ADAMTS20: variants seen among roughly 807,000 people sequenced by gnomAD.
ADAMTS20 encodes the protein A disintegrin and metalloproteinase with thrombospondin motifs 20.
Under a neutral mutation model 260.1 loss-of-function variants are expected in ADAMTS20, and 225 were observed. The observed-to-expected ratio is 0.87, with a 90% CI of 0.78 to 0.97. The LOEUF (loss-of-function observed/expected upper bound fraction) is 0.97, where lower values mean the gene tolerates loss of function less well. Among genes scored for constraint, ADAMTS20 ranks in the 50% least tolerant of loss-of-function variants. ADAMTS20 has a pLI of 0.00. For synonymous variants in ADAMTS20, 802 were observed against 769.5 expected (o/e 1.04, Z -0.70); for missense variants, 2,400 against 2,337.7 (o/e 1.03, Z -0.55).
chr12:43,518,896 C>A (rs1174243451), intron 3 of ADAMTS20, among the ~76,000 whole-genome samples: 1 of 151,868 alleles, frequency 6.6e-6, no homozygotes, highest in Non-Finnish European at 1.5e-5. Context: ...GTCAGCTTGA[C>A]CATCAAAATA....
chr12:43,505,867 A>G (rs899425871), intron 3 of ADAMTS20, among the ~76,000 whole-genome samples: 2 of 152,258 alleles, frequency 1.3e-5, no homozygotes, highest in African/African-American at 4.8e-5. Context: ...AGTATTATTT[A>G]CAATAGCTAA....
intron 16 of ADAMTS20, among the ~76,000 whole-genome samples, chr12:43,440,465 T>C (rs923925144): frequency 6.6e-6 from 1 of 152,196 alleles, no homozygotes; most frequent in African/African-American, 2.4e-5. Context: ...ACTTTTAAAG[T>C]TCAAATCCTT....
rs554033609 is a variant in ADAMTS20 at position 43,433,045 on chromosome 12, A to T, written c.2721-234T>A. Among the ~76,000 whole-genome samples the T allele has an allele frequency of 1.3e-3, 203 of 152,210 alleles. 7 individuals are homozygous for T. In the South Asian group the frequency reaches 0.039, roughly 29 times the overall value. On this transcript the variant is annotated intron_variant, in intron 19 of 38. Coordinates refer to ENST00000389420, the MANE Select transcript of ADAMTS20 (RefSeq NM_025003.5). ...CCCAAGCTTCCTCAAAAACCTCTGA[A>T]AACAACTGGTTTAGATTATGATTAC...
intron 23 of ADAMTS20, 147 bp downstream of exon 23, chr12:43,430,205 T>A: frequency 1.1e-6 from 1 of 950,270 alleles, no homozygotes; most frequent in Non-Finnish European, 1.4e-6. Flanking sequence ...AACAACAAAT[T>A]CTATTTTTTT....
At chr12:43,425,843 C>T (rs60787472) in intron 27 of ADAMTS20, among the ~76,000 whole-genome samples, 153 bp from the exon 28 acceptor site, 6,231 of 151,988 alleles carry the variant, frequency 0.041, 390 homozygotes, top group African/African-American at 0.14. Flanking sequence ...GTAATGGTAG[C>T]GTTTAAGTTT....
rs1940224567 is a variant in ADAMTS20 at position 43,376,240 on chromosome 12, A to G, written c.5216T>C (p.Ile1739Thr). Residue 1739 changes from isoleucine to threonine, a missense_variant, in exon 34 of 39, where the codon ATA (isoleucine) becomes ACA (threonine). Physicochemically the swap from Ile to Thr is moderately conservative, Grantham distance 89 (BLOSUM62 -1). Transcript: ENST00000389420. ...DYYLNIKGRI[I>T]KIYCADMYLE... Reference sequence around the variant, plus strand: ...AAGGAACTGTTTTCATAATACCTTTATTATTCTTCCCTTAATGTTAAGGTA... The same window carrying G: ...AAGGAACTGTTTTCATAATACCTTTGTTATTCTTCCCTTAATGTTAAGGTA... 2.6e-6 allele frequency: 4 copies of G among 1,544,416 alleles called. No homozygotes were observed. The highest frequency in any genetic ancestry group is 2.6e-6 in the Non-Finnish European group (3 of 1,142,436).
chr12:43,361,522 G>A (rs1272281950), intron 37 of ADAMTS20, among the ~76,000 whole-genome samples: 5 of 152,248 alleles, frequency 3.3e-5, no homozygotes, highest in Non-Finnish European at 7.3e-5. Context: ...GGCAGGAAGA[G>A]CATTTTATTG....
chr12:43,552,031 C>A lies in ADAMTS20; in HGVS notation c.-110G>T. ...CCTCCCTCTCGCCCGCCGCTCTCCG[C>A]GCCTCAGCAGCCTAGGGAACAGCAG... On this transcript the variant is annotated 5_prime_UTR_variant, in exon 1 of 39. Coordinates refer to ENST00000389420, the MANE Select transcript of ADAMTS20 (RefSeq NM_025003.5). 8 of 921,636 alleles carry A rather than the reference C, an allele frequency of 8.7e-6. No individual in the cohort carries two copies. The highest frequency in any genetic ancestry group is 1.2e-5 in the Non-Finnish European group (7 of 583,036). 57.1% of individuals were successfully genotyped at this position (921,636 alleles called of 1,614,324 possible).
intron 7 of ADAMTS20, among the ~76,000 whole-genome samples, chr12:43,483,678 C>A (rs1942475447): frequency 6.6e-6 from 1 of 152,122 alleles, no homozygotes; most frequent in African/African-American, 2.4e-5. Context: ...TGGTGGATCG[C>A]TTTCCTGCTG....
chr12:43,394,353 T>C lies in ADAMTS20; in HGVS notation c.4452+4713A>G, dbSNP rs138770049. Among the ~76,000 whole-genome samples, 72 of 152,234 alleles carry C rather than the reference T, an allele frequency of 4.7e-4. No homozygotes were observed. In the East Asian group the frequency reaches 0.013, roughly 28 times the overall value. The stretch of plus-strand genomic sequence containing the variant: ...GTCAAGATTTTACTTATAATCTGTA[T>C]TCCAGAATAGGCACCACTTCAAATA... On this transcript the variant is annotated intron_variant, in intron 29 of 38. Transcript: ENST00000389420.
intron 3 of ADAMTS20, among the ~76,000 whole-genome samples, chr12:43,529,864 G>A (rs2137499953): frequency 1.3e-5 from 2 of 150,934 alleles, no homozygotes; most frequent in Admixed American, 6.6e-5. Context: ...TGAACTGAGG[G>A]AGGAAAAAAA....
intron 29 of ADAMTS20, among the ~76,000 whole-genome samples, chr12:43,392,101 G>A (rs1940608339): frequency 6.6e-6 from 1 of 152,042 alleles, no homozygotes; most frequent in African/African-American, 2.4e-5. Context: ...AAAATATACA[G>A]TTTTTTGTGT....
chr12:43,397,072 C>T (rs1940719599), intron 29 of ADAMTS20, among the ~76,000 whole-genome samples: 1 of 152,142 alleles, frequency 6.6e-6, no homozygotes, highest in African/African-American at 2.4e-5. Context: ...TCCTGACACA[C>T]CTCTATCCAG....
chr12:43,546,977 G>A (rs947346540), intron 2 of ADAMTS20, among the ~76,000 whole-genome samples: 1 of 152,072 alleles, frequency 6.6e-6, no homozygotes, highest in Non-Finnish European at 1.5e-5. Context: ...TGGTTCTTGG[G>A]CTCAAAATAC....
chr12:43,534,127 G>T (rs530522344), intron 2 of ADAMTS20, among the ~76,000 whole-genome samples: 1 of 115,616 alleles, frequency 8.6e-6, no homozygotes, highest in Non-Finnish European at 1.8e-5. Flanking sequence ...ATTGACAAAT[G>T]GGATCTAATT....
intron 11 of ADAMTS20, among the ~76,000 whole-genome samples, chr12:43,460,713 G>C (rs920891469): frequency 1.3e-5 from 2 of 151,840 alleles, no homozygotes; most frequent in African/African-American, 2.4e-5. Context: ...ATAAATTATA[G>C]TACATCTGTA....
chr12:43,545,024 C>A (rs1319122615), intron 2 of ADAMTS20, among the ~76,000 whole-genome samples: 2 of 152,140 alleles, frequency 1.3e-5, no homozygotes, highest in Non-Finnish European at 2.9e-5. Context: ...AAAATTGTCT[C>A]CAGACATTGC....
intron 3 of ADAMTS20, among the ~76,000 whole-genome samples, chr12:43,509,116 A>G (rs141407699): frequency 0.01 from 1,579 of 152,262 alleles, 34 homozygotes; most frequent in African/African-American, 0.035. Flanking sequence ...ATAGTAGTCC[A>G]TGGTGTATAT....
At chr12:43,543,410 G>T (rs1041615348) in intron 2 of ADAMTS20, among the ~76,000 whole-genome samples, 13 of 152,170 alleles carry the variant, frequency 8.5e-5, no homozygotes, top group Admixed American at 6.5e-5. Context: ...CTAAATATCA[G>T]TGACTACTAG....
Sources: allele counts gnomAD v4.1 joint callset (sites outside exome capture counted in the v4.1 genomes callset), GRCh38; gene constraint gnomAD v4.1.1; transcripts MANE v1.5; gene names NCBI Gene and HGNC (gene_info 2026-07-23, HGNC 2026-07-21).